Variants in PIWIL2 observed in about 807,000 individuals in gnomAD.
PIWIL2 encodes the protein piwi-like protein 2.
In PIWIL2, 81 loss-of-function variants were observed where a neutral mutation model predicts 116.5. The ratio of observed to expected loss-of-function variants is 0.70; its 90% confidence interval spans 0.58 to 0.84. The LOEUF (loss-of-function observed/expected upper bound fraction) is 0.84, where lower values mean the gene tolerates loss of function less well. PIWIL2 is among the 40% of genes least tolerant of loss of function. The pLI, the probability that PIWIL2 is intolerant of heterozygous loss-of-function variation, is 0.00. For missense variants in PIWIL2, 1,272 were observed against 1,212.3 expected (o/e 1.05, Z -0.73); for synonymous variants, 489 against 429.5 (o/e 1.14, Z -1.71).
chr8:22,339,149 C>T (rs767361788), intron 20 of PIWIL2, among the ~76,000 whole-genome samples: 14 of 152,186 alleles, frequency 9.2e-5, no homozygotes, highest in Non-Finnish European at 1.9e-4. Flanking sequence ...GACATTGAAG[C>T]TCTTCTTTAC....
At chr8:22,323,883 C>A (rs974332390) in intron 20 of PIWIL2, among the ~76,000 whole-genome samples, 2 of 152,014 alleles carry the variant, frequency 1.3e-5, no homozygotes, top group African/African-American at 4.8e-5. Flanking sequence ...AGTAACATGG[C>A]TTTACCCCTT....
intron 21 of PIWIL2, 64 bp downstream of exon 21, chr8:22,353,276 G>A (rs1832415773): frequency 7.0e-7 from 1 of 1,419,444 alleles, no homozygotes; most frequent in Middle Eastern, 1.8e-4. Context: ...ACTTTCCTGA[G>A]TATTGGAATG....
At chr8:22,331,166 ACT>A (rs1370531632) in intron 20 of PIWIL2, among the ~76,000 whole-genome samples, 2 of 151,440 alleles carry the variant, frequency 1.3e-5, no homozygotes, top group Admixed American at 1.3e-4. Flanking sequence ...ACAGAGCGAG[ACT>A]CTGTCTCAAA....
rs776515661 is a variant in PIWIL2 at position 22,314,360 on chromosome 8, G to C, written c.2022G>C (p.Met674Ile). ...GKIQMVVCII[M>I]GPRDDLYGAI... The stretch of plus-strand genomic sequence containing the variant: ...TACAGATGGTTGTTTGCATCATCAT[G>C]GGCCCACGTGATGATCTCTATGGGG... Residue 674 changes from methionine to isoleucine, a missense_variant, in exon 17 of 23, where the codon ATG becomes ATC. By Grantham distance (10) the Met-to-Ile change is conservative. Transcript: ENST00000356766. 1 of 1,578,728 alleles carries C rather than the reference G, an allele frequency of 6.3e-7. No homozygotes were observed. The highest frequency in any genetic ancestry group is 1.8e-5 in the Admixed American group (1 of 56,458).
At chr8:22,318,121 G>A (rs1484973523) in intron 19 of PIWIL2, 49 bp from the exon 20 acceptor site, 1 of 1,178,630 alleles carries the variant, frequency 8.5e-7, no homozygotes, top group Non-Finnish European at 1.3e-6. Flanking sequence ...TCCCCTTCGA[G>A]CATTTGTTCA....
intron 12 of PIWIL2, 139 bp downstream of exon 12, chr8:22,305,007 T>C: frequency 1.5e-6 from 1 of 646,700 alleles, no homozygotes; most frequent in Non-Finnish European, 2.8e-6. Flanking sequence ...AGTGTTTGTC[T>C]GTCTCATCCA....
intron 20 of PIWIL2, among the ~76,000 whole-genome samples, chr8:22,332,016 AAGAT>A (rs1156332798): frequency 2.0e-5 from 3 of 152,092 alleles, no homozygotes; most frequent in African/African-American, 4.8e-5. Flanking sequence ...AGTCAACTGA[AAGAT>A]AGGTGAGCAG....
intron 20 of PIWIL2, among the ~76,000 whole-genome samples, chr8:22,329,095 C>G (rs7814256): frequency 0.78 from 118,363 of 151,530 alleles, 46,726 homozygotes; most frequent in African/African-American, 0.88. Flanking sequence ...GATGTTAGCT[C>G]TGAGTTTTTC....
chr8:22,304,541 GC>G (rs1162224979), intron 11 of PIWIL2, among the ~76,000 whole-genome samples: 1 of 152,058 alleles, frequency 6.6e-6, no homozygotes, highest in African/African-American at 2.4e-5. Context: ...GAACCCTTTA[GC>G]CTGATGTTTT....
At chr8:22,312,594 G>A (rs1454350380) in intron 16 of PIWIL2, among the ~76,000 whole-genome samples, 1 of 152,080 alleles carries the variant, frequency 6.6e-6, no homozygotes, top group Non-Finnish European at 1.5e-5. Context: ...GGCACTCTTG[G>A]TGTATCATTC....
chr8:22,300,093 T>C (rs915704235), intron 10 of PIWIL2, among the ~76,000 whole-genome samples: 2 of 151,842 alleles, frequency 1.3e-5, no homozygotes, highest in South Asian at 4.1e-4. Flanking sequence ...CGCCCAGCTA[T>C]ATAAAAACAT....
At chr8:22,298,150 G>A (rs1476609638) in intron 10 of PIWIL2, among the ~76,000 whole-genome samples, 2 of 152,014 alleles carry the variant, frequency 1.3e-5, no homozygotes, top group African/African-American at 2.4e-5. Context: ...CCAGCTACTC[G>A]GGAGGCCGAG....
intron 16 of PIWIL2, among the ~76,000 whole-genome samples, chr8:22,311,884 A>G (rs552177648): frequency 6.6e-6 from 1 of 152,360 alleles, no homozygotes; most frequent in South Asian, 2.1e-4. Context: ...TGAATTGAAC[A>G]TTCTGGTAAA....
Position 22,318,224 on chromosome 8 carries a change from TG to T in PIWIL2, c.2353del (p.Val785TrpfsTer4), listed in dbSNP as rs757914021. The T allele has an allele frequency of 6.2e-7, 1 of 1,613,798 alleles. No individual in the cohort carries two copies. The highest frequency in any genetic ancestry group is 1.1e-5 in the South Asian group (1 of 91,074). On this transcript the variant is annotated frameshift_variant, in exon 20 of 23. Coordinates refer to ENST00000356766, the MANE Select transcript of PIWIL2 (RefSeq NM_018068.5). LOFTEE classifies it high-confidence loss of function. The stretch of plus-strand genomic sequence containing the variant: ...TGTTCCAGATGCCGCATCAGGAGAT[TG>T]TGGACAGCCTGAAGCTATGCCTCGT... ...VVFQMPHQEI[V>X]DSLKLCLVGS...
At chr8:22,311,341 TAA>T (rs758366976) in intron 16 of PIWIL2, 41 bp downstream of exon 16, 2 of 1,440,638 alleles carry the variant, frequency 1.4e-6, no homozygotes, top group Non-Finnish European at 9.7e-7. Context: ...ATGTCCATTT[TAA>T]ATTACTTAAA....
intron 10 of PIWIL2, among the ~76,000 whole-genome samples, chr8:22,300,402 T>A (rs1831018359): frequency 1.3e-5 from 2 of 152,254 alleles, no homozygotes; most frequent in Non-Finnish European, 2.9e-5. Context: ...CCACAATTTA[T>A]TCACCCATTG....
intron 16 of PIWIL2, among the ~76,000 whole-genome samples, chr8:22,312,141 G>A (rs1586567811): frequency 6.6e-6 from 1 of 151,914 alleles, no homozygotes. Context: ...GCATGCACCT[G>A]TAGTACCAGC....
chr8:22,323,397 C>T (rs551723177), intron 20 of PIWIL2, among the ~76,000 whole-genome samples: 1 of 152,186 alleles, frequency 6.6e-6, no homozygotes, highest in Admixed American at 6.5e-5. Flanking sequence ...CCGCCGGCCT[C>T]AGCCTCCCAA....
In PIWIL2 at chr8:22,305,923, A is replaced by G. The variant is rs372205909; in HGVS notation, c.1456-4A>G. The G allele has an allele frequency of 1.2e-6, 2 of 1,611,660 alleles. No homozygotes were observed. Among genetic ancestry groups the G allele is most frequent in the African/African-American group, 2.7e-5 (2 of 74,864 alleles). On this transcript the variant is annotated splice_region_variant and splice_polypyrimidine_tract_variant and intron_variant, in intron 12 of 22. Transcript: ENST00000356766. ...TATTTTCCCTCTTCGTTCTCTCTTC[A>G]AAGCTGCTAAAAGGGGAAATCCTGC... is the stretch of plus-strand genomic sequence containing the variant.
Sources: allele counts gnomAD v4.1 joint callset (sites outside exome capture counted in the v4.1 genomes callset), GRCh38; gene constraint gnomAD v4.1.1; transcripts MANE v1.5; gene names NCBI Gene and HGNC (gene_info 2026-07-23, HGNC 2026-07-21).